Variants in TMEM132D observed in about 807,000 individuals in gnomAD.
TMEM132D encodes mature OL transmembrane protein.
TMEM132D carries 21 observed loss-of-function variants against 62.3 expected under a neutral mutation model. That is an observed-to-expected ratio of 0.34 (90% CI 0.24 to 0.49). The LOEUF is 0.49. TMEM132D is among the 20% of genes least tolerant of loss of function. The pLI, the probability that TMEM132D is intolerant of heterozygous loss-of-function variation, is 0.99. For synonymous variants in TMEM132D, 621 were observed against 575.6 expected, an observed-to-expected ratio of 1.08 and a Z score of -1.13; for missense variants, 1,346 against 1,402.8, an observed-to-expected ratio of 0.96 and a Z score of 0.65.
At chr12:129,695,171 A>G (rs264488) in intron 2 of TMEM132D, among the ~76,000 whole-genome samples, 33,324 of 152,158 alleles carry the variant, frequency 0.22, 4,154 homozygotes, top group Middle Eastern at 0.29. Flanking sequence ...TTTGAACAGG[A>G]GTTCCAGGAG....
intron 2 of TMEM132D, among the ~76,000 whole-genome samples, chr12:129,582,334 CACTTAGTTTA>C (rs1226677007): frequency 2.0e-5 from 3 of 152,184 alleles, no homozygotes; most frequent in Non-Finnish European, 4.4e-5. Flanking sequence ...ACTCATCTGA[CACTTAGTTTA>C]CTTCGGAGTG....
chr12:129,175,787 G>T (rs994981444), intron 5 of TMEM132D, among the ~76,000 whole-genome samples: 2 of 152,152 alleles, frequency 1.3e-5, no homozygotes, highest in Non-Finnish European at 2.9e-5. Context: ...TGATGCAAAT[G>T]CAATGGTACT....
chr12:129,270,272 T>C (rs1388733654), intron 4 of TMEM132D, among the ~76,000 whole-genome samples: 1 of 152,188 alleles, frequency 6.6e-6, no homozygotes, highest in Non-Finnish European at 1.5e-5. Context: ...CAAAGCTATA[T>C]TGAGACCATA....
In TMEM132D at chr12:129,088,379, C is replaced by T. The variant is rs1404188927; in HGVS notation, c.1444-3677G>A. ...CCATGACCGGGGTGTCCTCCATGAC[C>T]GGGGTGTCCTCTATGACCGGGTGTC... On this transcript the variant is annotated intron_variant, in intron 5 of 8. Transcript: ENST00000422113. Among the ~76,000 whole-genome samples the T allele has an allele frequency of 1.3e-4, 6 of 46,450 alleles. 1 individual carries two copies. The highest frequency in any genetic ancestry group is 6.8e-4 in the Admixed American group (3 of 4,440). 30.5% of individuals were successfully genotyped at this position (46,450 alleles called of 152,430 possible).
intron 3 of TMEM132D, among the ~76,000 whole-genome samples, chr12:129,474,740 G>A (rs1593027766): frequency 1.3e-5 from 2 of 152,266 alleles, no homozygotes; most frequent in African/African-American, 4.8e-5. Flanking sequence ...ATCATGGGAG[G>A]GCTCTACATG....
intron 2 of TMEM132D, among the ~76,000 whole-genome samples, chr12:129,533,161 A>G (rs868045964): frequency 1.3e-5 from 2 of 152,178 alleles, no homozygotes; most frequent in African/African-American, 2.4e-5. Context: ...CACGTATAAC[A>G]TTATTTCTGT....
intron 3 of TMEM132D, among the ~76,000 whole-genome samples, chr12:129,340,955 T>C (rs1454019415): frequency 6.6e-6 from 1 of 152,200 alleles, no homozygotes; most frequent in Non-Finnish European, 1.5e-5. Context: ...TCCCCAATAG[T>C]TCATCTACAG....
intron 1 of TMEM132D, among the ~76,000 whole-genome samples, chr12:129,832,756 T>C (rs1461318042): frequency 1.3e-5 from 2 of 152,156 alleles, no homozygotes; most frequent in Admixed American, 6.6e-5. Context: ...AACCCGGCCA[T>C]GATCTGAGAG....
At chr12:129,866,924 T>C (rs1167752819) in intron 1 of TMEM132D, among the ~76,000 whole-genome samples, 2 of 152,102 alleles carry the variant, frequency 1.3e-5, no homozygotes, top group African/African-American at 4.8e-5. Context: ...ATGTGGGGTG[T>C]ATATATACAT....
rs1874100154 is a variant in TMEM132D, at chr12:129,867,620, T to C, written c.79+35641A>G. Among the ~76,000 whole-genome samples the C allele has an allele frequency of 6.6e-6, 1 of 152,098 alleles. No individual in the cohort carries two copies. The highest frequency in any genetic ancestry group is 2.4e-5 in the African/African-American group (1 of 41,416). ...GTGTTTTCCTCATAAAAAGAGAAAG[T>C]AAAACAAAGAAAACCGTCACTGTAG... On this transcript the variant is annotated intron_variant, in intron 1 of 8. Coordinates refer to ENST00000422113, the MANE Select transcript of TMEM132D (RefSeq NM_133448.3). This position sits in a 1 kb window ranked among gnomAD's most constrained non-coding sequence, Gnocchi z 4.5.
At chr12:129,405,644 GC>G (rs1871763045) in intron 3 of TMEM132D, among the ~76,000 whole-genome samples, 1 of 152,102 alleles carries the variant, frequency 6.6e-6, no homozygotes, top group Admixed American at 6.6e-5. Flanking sequence ...CTTTTTGGGA[GC>G]AGAAGCAGCA....
At chr12:129,662,091 T>G (rs186479726) in intron 2 of TMEM132D, among the ~76,000 whole-genome samples, 1 of 152,236 alleles carries the variant, frequency 6.6e-6, no homozygotes, top group Non-Finnish European at 1.5e-5. Flanking sequence ...GGGCACATAC[T>G]CTGGGTCTTA....
intron 1 of TMEM132D, among the ~76,000 whole-genome samples, chr12:129,810,011 C>A (rs535334200): frequency 6.6e-6 from 1 of 151,992 alleles, no homozygotes; most frequent in African/African-American, 2.4e-5. Flanking sequence ...TGGAAAAGCA[C>A]GTATAATTAG....
chr12:129,102,183 A>G (rs190888653), intron 5 of TMEM132D, among the ~76,000 whole-genome samples: 39 of 152,304 alleles, frequency 2.6e-4, no homozygotes, highest in Middle Eastern at 3.4e-3. Flanking sequence ...AGGAAAGTAA[A>G]CGAGGCTGCA....
chr12:129,812,435 A>G (rs1468104940), intron 1 of TMEM132D, among the ~76,000 whole-genome samples: 2 of 151,630 alleles, frequency 1.3e-5, no homozygotes, highest in African/African-American at 2.4e-5. Flanking sequence ...AACCTTTAAA[A>G]ACTCATTTTC....
At chr12:129,341,914 T>G (rs1216800134) in intron 3 of TMEM132D, among the ~76,000 whole-genome samples, 6 of 151,946 alleles carry the variant, frequency 3.9e-5, no homozygotes, top group Non-Finnish European at 8.8e-5. Context: ...CACTGCTCAA[T>G]GAAATAAAAG....
intron 1 of TMEM132D, among the ~76,000 whole-genome samples, chr12:129,753,832 G>C (rs1870076788): frequency 6.6e-6 from 1 of 152,214 alleles, no homozygotes; most frequent in Non-Finnish European, 1.5e-5. Flanking sequence ...ATATTTTCAA[G>C]TATTACTTCA....
Position 129,074,797 on chromosome 12 carries a change from A to C in TMEM132D, c.2378T>G (p.Ile793Ser), listed in dbSNP as rs2135604696. 1 of 1,613,896 alleles carries C rather than the reference A, an allele frequency of 6.2e-7. No individual in the cohort carries two copies. The highest frequency in any genetic ancestry group is 8.5e-7 in the Non-Finnish European group (1 of 1,180,008). The change falls in exon 9 of 9, where the codon ATC (isoleucine) becomes AGC (serine). Residue 793 changes from isoleucine to serine, a missense_variant. Physicochemically the swap from Ile to Ser is moderately radical, Grantham distance 142. Transcript: ENST00000422113. ...ATCGTTTTGGCCAAATTTAACTTTG[A>C]TGTTTGCCGTTCCAACAGCTAACAC... ...KSVLAVGTAN[I>S]KVKFGQNDAN...
At chr12:129,763,697 G>A (rs552837830) in intron 1 of TMEM132D, among the ~76,000 whole-genome samples, 1 of 151,884 alleles carries the variant, frequency 6.6e-6, no homozygotes, top group South Asian at 2.1e-4. Context: ...TATAACTACA[G>A]ACTCAGTCCA....
Sources: allele counts gnomAD v4.1 joint callset (sites outside exome capture counted in the v4.1 genomes callset), GRCh38; gene constraint gnomAD v4.1.1; non-coding constraint Gnocchi (gnomAD v3.1); transcripts MANE v1.5; gene names NCBI Gene and HGNC (gene_info 2026-07-23, HGNC 2026-07-21).